SLC4A4: variants seen among roughly 807,000 people sequenced by gnomAD.
The protein encoded by SLC4A4 is electrogenic sodium bicarbonate cotransporter 1.
In SLC4A4, 27 loss-of-function variants were observed where a neutral mutation model predicts 111.5. The ratio of observed to expected loss-of-function variants is 0.24; its 90% CI spans 0.18 to 0.33. The LOEUF is 0.33. SLC4A4 is among the 10% of genes least tolerant of loss of function. The probability of loss-of-function intolerance (pLI) is 1.00; values close to 1 mark genes in which losing one functional copy is unlikely to be tolerated. For missense variants in SLC4A4, 909 were observed against 1,315.5 expected (o/e 0.69, Z 4.78); for synonymous variants, 443 against 463.4 (o/e 0.96, Z 0.57).
intron 2 of SLC4A4, among the ~76,000 whole-genome samples, chr4:71,126,447 T>G (rs181369997): frequency 1.8e-4 from 27 of 152,334 alleles, no homozygotes; most frequent in African/African-American, 5.5e-4. Context: ...TATGCCATGT[T>G]ATTTAGAATT....
At chr4:71,223,731 G>A (rs533219431) in intron 1 of SLC4A4, among the ~76,000 whole-genome samples, 10 of 151,834 alleles carry the variant, frequency 6.6e-5, no homozygotes, top group African/African-American at 2.2e-4. Flanking sequence ...CACATCCATG[G>A]TCCCTTAGAT....
At chr4:71,101,558 A>C (rs918664101) in intron 2 of SLC4A4, among the ~76,000 whole-genome samples, 1 of 152,224 alleles carries the variant, frequency 6.6e-6, no homozygotes, top group Non-Finnish European at 1.5e-5. Flanking sequence ...TTTTCCCAGC[A>C]CACAGCTGGA....
intron 1 of SLC4A4, among the ~76,000 whole-genome samples, chr4:71,225,080 G>C (rs1457738202): frequency 6.6e-6 from 1 of 152,148 alleles, no homozygotes; most frequent in Admixed American, 6.5e-5. Context: ...GGCCAGGTGC[G>C]GTGGCTCACG....
At chr4:71,557,976 T>C (rs911729016) in intron 22 of SLC4A4, 91 bp downstream of exon 22, 2 of 1,179,088 alleles carry the variant, frequency 1.7e-6, no homozygotes, top group Non-Finnish European at 2.5e-6. Context: ...CTTTTATGTG[T>C]TGTTCCAAAT....
chr4:71,149,763 T>G (rs2148971274), intron 2 of SLC4A4, among the ~76,000 whole-genome samples: 1 of 152,274 alleles, frequency 6.6e-6, no homozygotes, highest in South Asian at 2.1e-4. Context: ...TTGGATGAGA[T>G]TCACTGTTTA....
intron 2 of SLC4A4, among the ~76,000 whole-genome samples, chr4:71,163,679 C>T (rs1744665138): frequency 6.6e-6 from 1 of 152,206 alleles, no homozygotes; most frequent in Admixed American, 6.5e-5. Flanking sequence ...TGCCTTTAGT[C>T]TAAACCAGGG....
intron 16 of SLC4A4, among the ~76,000 whole-genome samples, chr4:71,508,178 T>G (rs1488915329): frequency 6.6e-6 from 1 of 151,844 alleles, no homozygotes; most frequent in Non-Finnish European, 1.5e-5. Context: ...CTAAAAGAAC[T>G]GGAGAACCAA....
chr4:71,193,802 A>G (rs1302237475), intron 1 of SLC4A4, among the ~76,000 whole-genome samples: 1 of 152,122 alleles, frequency 6.6e-6, no homozygotes, highest in Admixed American at 6.5e-5. Context: ...CGAAGATTTT[A>G]ATACTTGGGG....
At chr4:71,311,082 C>A (rs527803720) in intron 3 of SLC4A4, among the ~76,000 whole-genome samples, 15 of 152,090 alleles carry the variant, frequency 9.9e-5, no homozygotes, top group South Asian at 4.2e-4. Flanking sequence ...CAAAAAAGAT[C>A]AAAAAAGACA....
At chr4:71,133,812 C>T (rs1194593331) in intron 2 of SLC4A4, among the ~76,000 whole-genome samples, 1 of 152,178 alleles carries the variant, frequency 6.6e-6, no homozygotes, top group Non-Finnish European at 1.5e-5. Context: ...ACCCCCGTTG[C>T]TCAAAGTCTT....
At chr4:71,159,604 T>C (rs534767123) in intron 2 of SLC4A4, among the ~76,000 whole-genome samples, 40 of 152,316 alleles carry the variant, frequency 2.6e-4, no homozygotes, top group African/African-American at 9.1e-4. Context: ...CTTCAAGTGA[T>C]CTGCCCTCCT....
chr4:71,387,784 T>C (rs1329084660), intron 6 of SLC4A4, among the ~76,000 whole-genome samples: 2 of 152,184 alleles, frequency 1.3e-5, no homozygotes. Context: ...TGAGCCACCG[T>C]GCCTGGCCTA....
intron 6 of SLC4A4, among the ~76,000 whole-genome samples, chr4:71,393,983 C>T (rs1399226996): frequency 1.3e-5 from 2 of 152,074 alleles, no homozygotes; most frequent in African/African-American, 4.8e-5. Flanking sequence ...AAACTGGATC[C>T]TCATCTCTCA....
At chr4:71,092,065 A>G (rs1742406454) in intron 1 of SLC4A4, among the ~76,000 whole-genome samples, 1 of 152,196 alleles carries the variant, frequency 6.6e-6, no homozygotes, top group African/African-American at 2.4e-5. Context: ...GTGTTACCAG[A>G]CTAGTAACAC....
chr4:71,485,234 A>G (rs1485361763), intron 14 of SLC4A4, among the ~76,000 whole-genome samples: 2 of 151,224 alleles, frequency 1.3e-5, no homozygotes, highest in Non-Finnish European at 3.0e-5. Flanking sequence ...AATGCTTCCA[A>G]GTTTTGCCCA....
chr4:71,158,852 T>G (rs908420161), intron 2 of SLC4A4, among the ~76,000 whole-genome samples: 3 of 152,118 alleles, frequency 2.0e-5, no homozygotes, highest in African/African-American at 7.2e-5. Flanking sequence ...CTTTTCAGAG[T>G]GCACTTCACG....
At chr4:71,194,273 C>A (rs993584005) in intron 1 of SLC4A4, among the ~76,000 whole-genome samples, 1 of 152,148 alleles carries the variant, frequency 6.6e-6, no homozygotes, top group African/African-American at 2.4e-5. Context: ...TTGTTCAGCA[C>A]TGTAAATGGC....
chr4:71,424,961 G>T (rs964742473), intron 7 of SLC4A4, among the ~76,000 whole-genome samples: 1 of 151,916 alleles, frequency 6.6e-6, no homozygotes, highest in Non-Finnish European at 1.5e-5. Flanking sequence ...TGCACCTTGT[G>T]CACGTGTACC....
intron 5 of SLC4A4, among the ~76,000 whole-genome samples, chr4:71,354,797 AGTCCAT>A (rs1204213508): frequency 6.6e-6 from 1 of 152,178 alleles, no homozygotes; most frequent in Non-Finnish European, 1.5e-5. Context: ...GCCTCTAATC[AGTCCAT>A]GTCTGTGGGC....
Sources: gnomAD v4.1 joint callset for allele counts (sites outside exome capture counted in the v4.1 genomes callset) on GRCh38, gnomAD v4.1.1 for gene constraint, MANE v1.5 for transcripts, NCBI Gene and HGNC (gene_info 2026-07-23, HGNC 2026-07-21) for gene names.